BMPR1B: variants seen among roughly 807,000 people sequenced by gnomAD.
BMPR1B encodes bone morphogenetic protein receptor type 1B.
In BMPR1B, 12 loss-of-function variants were observed where a neutral mutation model predicts 59.1. That is an observed-to-expected ratio of 0.20 (90% CI 0.13 to 0.33). BMPR1B has a LOEUF of 0.33. Ranked by LOEUF, BMPR1B falls within the 10% of genes least tolerant of loss-of-function variation. The pLI, the probability that BMPR1B is intolerant of heterozygous loss-of-function variation, is 1.00. For synonymous variants in BMPR1B, 237 were observed against 207.3 expected (o/e 1.14, Z -1.23); for missense variants, 550 against 610.9 (o/e 0.90, Z 1.05).
chr4:94,984,246 T>C (rs1721264243), intron 2 of BMPR1B, among the ~76,000 whole-genome samples: 1 of 152,194 alleles, frequency 6.6e-6, no homozygotes, highest in Non-Finnish European at 1.5e-5. Context: ...TTTACTCTTT[T>C]TGATAAACTT....
chr4:94,879,459 C>T (rs1006252601), intron 2 of BMPR1B, among the ~76,000 whole-genome samples: 3 of 151,996 alleles, frequency 2.0e-5, no homozygotes, highest in Admixed American at 6.6e-5. Context: ...AAAAATTAGC[C>T]AGGTGTGCTG....
intron 1 of BMPR1B, among the ~76,000 whole-genome samples, chr4:94,777,597 A>G (rs570076163): frequency 3.4e-4 from 52 of 152,294 alleles, no homozygotes; most frequent in Admixed American, 2.8e-3. Flanking sequence ...AAAAAATCTA[A>G]TTGAAACCCT....
chr4:94,975,145 CAGGTGAGT>C (rs1243045588), intron 2 of BMPR1B, among the ~76,000 whole-genome samples: 1 of 152,016 alleles, frequency 6.6e-6, no homozygotes, highest in Non-Finnish European at 1.5e-5. Context: ...GGTGGTGGAG[CAGGTGAGT>C]AGGAGGGGCA....
chr4:95,005,765 G>T (rs1722778278), intron 3 of BMPR1B, among the ~76,000 whole-genome samples: 1 of 151,096 alleles, frequency 6.6e-6, no homozygotes, highest in South Asian at 2.1e-4. Flanking sequence ...TCTGTCTATT[G>T]CCCAATTATG....
chr4:94,800,447 ATT>A lies in BMPR1B; in HGVS notation c.-183+42398_-183+42399del, dbSNP rs71583665. 6.1e-3 allele frequency among the ~76,000 whole-genome samples: 728 copies of A among 120,062 alleles called. 4 individuals are homozygous for A. The highest frequency in any genetic ancestry group is 0.019 in the African/African-American group (604 of 31,020). The allele number at this position is 120,062 out of a possible 152,430, so 78.8% of individuals were successfully genotyped here. ...AGCAAAATATTTTAGGGTCTTTACTATTTTTTTTTTTTTTTTTTTTGGTCAGC... is the reference window on the plus strand; with the variant it reads ...AGCAAAATATTTTAGGGTCTTTACTATTTTTTTTTTTTTTTTTTGGTCAGC... On this transcript the variant is annotated intron_variant, in intron 1 of 12. Coordinates refer to ENST00000515059, the MANE Select transcript of BMPR1B (RefSeq NM_001203.3).
chr4:95,058,375 G>A (rs967356103), intron 3 of BMPR1B, among the ~76,000 whole-genome samples: 5 of 152,046 alleles, frequency 3.3e-5, no homozygotes, highest in South Asian at 2.1e-4. Flanking sequence ...TTTTACTGCC[G>A]TACAGTGTTC....
At chr4:95,117,851 G>A (rs985191827) in intron 6 of BMPR1B, among the ~76,000 whole-genome samples, 5 of 152,144 alleles carry the variant, frequency 3.3e-5, no homozygotes, top group Admixed American at 2.6e-4. Flanking sequence ...AGTTAGGAGT[G>A]TGAAGGTGAG....
At chr4:94,825,416 G>A (rs1262334063) in intron 1 of BMPR1B, among the ~76,000 whole-genome samples, 2 of 152,034 alleles carry the variant, frequency 1.3e-5, no homozygotes, top group African/African-American at 4.8e-5. Context: ...GAGGTGAGAG[G>A]ATCCCTTGAG....
intron 3 of BMPR1B, among the ~76,000 whole-genome samples, chr4:95,038,344 G>A (rs144945999): frequency 2.0e-5 from 3 of 152,146 alleles, no homozygotes; most frequent in Non-Finnish European, 4.4e-5. Flanking sequence ...ATAAGCATCC[G>A]GTCTAGGATT....
chr4:94,760,584 G>A (rs1721721255), intron 1 of BMPR1B, among the ~76,000 whole-genome samples: 1 of 152,182 alleles, frequency 6.6e-6, no homozygotes, highest in Non-Finnish European at 1.5e-5. Flanking sequence ...CTCCAACCTA[G>A]CAGAGCCTTC....
chr4:95,062,658 T>C (rs1727486944), intron 3 of BMPR1B, among the ~76,000 whole-genome samples: 1 of 152,206 alleles, frequency 6.6e-6, no homozygotes, highest in Admixed American at 6.5e-5. Context: ...TGAACATCTC[T>C]ACAGATTTAT....
intron 1 of BMPR1B, among the ~76,000 whole-genome samples, chr4:94,806,157 A>G (rs1723597227): frequency 6.6e-6 from 1 of 152,134 alleles, no homozygotes; most frequent in South Asian, 2.1e-4. Context: ...TATTATCTAA[A>G]TGGGATACTG....
chr4:95,024,103 A>C (rs569317347), intron 3 of BMPR1B, among the ~76,000 whole-genome samples: 17 of 152,320 alleles, frequency 1.1e-4, no homozygotes, highest in Admixed American at 1.0e-3. Flanking sequence ...TTGAATTCAA[A>C]ACTGCTAAAT....
chr4:94,842,592 A>T (rs531494520), intron 1 of BMPR1B, among the ~76,000 whole-genome samples: 2 of 152,000 alleles, frequency 1.3e-5, no homozygotes, highest in Admixed American at 6.6e-5. Context: ...GTCTCACTCT[A>T]TTGCCCAGGC....
At chr4:94,825,321 A>C (rs7668820) in intron 1 of BMPR1B, among the ~76,000 whole-genome samples, 42,052 of 151,804 alleles carry the variant, frequency 0.28, 6,308 homozygotes, top group East Asian at 0.4. Flanking sequence ...TGGGCAAGAA[A>C]GTGAGAGGTC....
chr4:94,915,036 C>G (rs1359719953), intron 2 of BMPR1B, among the ~76,000 whole-genome samples: 2 of 152,046 alleles, frequency 1.3e-5, no homozygotes. Context: ...TATAGAAGAT[C>G]ATTTGAAAAT....
At chr4:95,004,676 A>G (rs914498789) in intron 3 of BMPR1B, among the ~76,000 whole-genome samples, 2 of 152,132 alleles carry the variant, frequency 1.3e-5, no homozygotes, top group African/African-American at 4.8e-5. Flanking sequence ...CTCTATACCA[A>G]TTTTAACTTC....
intron 1 of BMPR1B, among the ~76,000 whole-genome samples, chr4:94,862,313 C>G (rs2148957865): frequency 6.6e-6 from 1 of 151,722 alleles, no homozygotes; most frequent in South Asian, 2.1e-4. Context: ...CCATGCCCGG[C>G]TAATTTTTTG....
intron 2 of BMPR1B, among the ~76,000 whole-genome samples, chr4:94,961,222 G>GCCAAATCTAGCCCACCACCTA (rs1217652024): frequency 6.6e-6 from 1 of 152,094 alleles, no homozygotes; most frequent in Non-Finnish European, 1.5e-5. Context: ...TGGTCTGCAG[G>GCCAAATCTAGCCCACCACCTA]CCAAATCTAG....
Sources: gnomAD v4.1 joint callset for allele counts (sites outside exome capture counted in the v4.1 genomes callset) on GRCh38, gnomAD v4.1.1 for gene constraint, MANE v1.5 for transcripts, NCBI Gene and HGNC (gene_info 2026-07-23, HGNC 2026-07-21) for gene names.